The following BACH2 variants were observed in gnomAD, a reference collection of about 807,000 sequenced individuals.
The protein encoded by BACH2 is BACH transcriptional regulator 2, also known as transcription regulator protein BACH2.
A neutral mutation model predicts 61.8 loss-of-function variants in BACH2; 5 were observed. The ratio of observed to expected loss-of-function variants is 0.08; its 90% CI spans 0.04 to 0.17. The LOEUF is 0.17. Ranked by LOEUF, BACH2 falls within the 10% of genes least tolerant of loss-of-function variation. The probability of loss-of-function intolerance (pLI) is 1.00; values close to 1 mark genes in which losing one functional copy is unlikely to be tolerated. For missense variants in BACH2, 824 were observed against 1,091.1 expected (o/e 0.76, Z 3.45); for synonymous variants, 446 against 440.1 (o/e 1.01, Z -0.17).
chr6:90,234,443 T>C lies in BACH2; in HGVS notation c.-275+18070A>G, dbSNP rs192105115. Among the ~76,000 whole-genome samples, 26 of 152,326 alleles carry C rather than the reference T, an allele frequency of 1.7e-4. No homozygotes were observed. In the East Asian group the frequency reaches 5.0e-3, roughly 29 times the overall value. On this transcript the variant is annotated intron_variant, in intron 3 of 8. Coordinates refer to ENST00000257749, the MANE Select transcript of BACH2 (RefSeq NM_021813.4). ...AAGTGATCAAGAACCAGAATTTCCA[T>C]GAAGGTCAATGTTTTGTATAAACCT...
intron 3 of BACH2, among the ~76,000 whole-genome samples, chr6:90,248,931 G>A (rs1448079397): frequency 6.6e-6 from 1 of 152,202 alleles, no homozygotes; most frequent in Non-Finnish European, 1.5e-5. Context: ...AAAAACCTAT[G>A]TAGGTATAGA....
At chr6:90,231,133 G>A (rs1315444484) in intron 3 of BACH2, among the ~76,000 whole-genome samples, 1 of 152,114 alleles carries the variant, frequency 6.6e-6, no homozygotes, top group Non-Finnish European at 1.5e-5. Context: ...TTTGTTTGTG[G>A]CCAAACTGTT....
At chr6:89,952,174 C>T (rs1774169259) in intron 6 of BACH2, 1 of 346,846 alleles carries the variant, frequency 2.9e-6, no homozygotes, top group African/African-American at 2.1e-5. Context: ...TGCACGGTGA[C>T]AATGGGGAGC....
At chr6:90,180,243 TAA>T (rs1231384104) in intron 4 of BACH2, among the ~76,000 whole-genome samples, 2 of 152,056 alleles carry the variant, frequency 1.3e-5, no homozygotes, top group African/African-American at 2.4e-5. Flanking sequence ...ACAAAAAAAC[TAA>T]GAGTAAAATT....
intron 4 of BACH2, among the ~76,000 whole-genome samples, chr6:90,137,126 A>T (rs1407555010): frequency 6.6e-6 from 1 of 152,184 alleles, no homozygotes; most frequent in Admixed American, 6.5e-5. Flanking sequence ...CACAGACAGA[A>T]AGAGGGACAG....
chr6:90,103,392 C>T lies in BACH2; in HGVS notation c.-161-14283G>A, dbSNP rs532678377. On this transcript the variant is annotated intron_variant, in intron 4 of 8. Transcript: ENST00000257749. ...CATGGCGAAGTGTGTCCGTGTGATG[C>T]TCATCTCAGCATTATCTGGTTATCG... Among the ~76,000 whole-genome samples the T allele has an allele frequency of 6.1e-4, 93 of 152,140 alleles. 1 individual carries two copies. The South Asian group carries it at 0.017, about 29-fold the overall frequency.
chr6:90,225,473 T>C (rs1769882031), intron 3 of BACH2, among the ~76,000 whole-genome samples: 2 of 151,950 alleles, frequency 1.3e-5, no homozygotes, highest in South Asian at 2.1e-4. Context: ...ATAAGAAACT[T>C]GTTGTAAGGT....
chr6:90,073,094 C>T (rs576647410), intron 5 of BACH2, among the ~76,000 whole-genome samples: 4 of 152,326 alleles, frequency 2.6e-5, no homozygotes, highest in South Asian at 2.1e-4. Flanking sequence ...CATCCATCTT[C>T]GCAGTAAGTT....
At chr6:90,296,383 A>T (rs1438785022) in intron 1 of BACH2, 97 bp downstream of exon 1, 2 of 148,086 alleles carry the variant, frequency 1.4e-5, no homozygotes, top group East Asian at 4.1e-4. Context: ...CCGTTTCCCC[A>T]CGCCTCCCCG....
chr6:89,949,714 G>C (rs938642563), intron 7 of BACH2, among the ~76,000 whole-genome samples: 2 of 152,196 alleles, frequency 1.3e-5, no homozygotes, highest in African/African-American at 4.8e-5. Context: ...GATGACCCCA[G>C]GACCGGGATA....
intron 1 of BACH2, among the ~76,000 whole-genome samples, chr6:90,272,728 A>G (rs773807441): frequency 6.6e-6 from 1 of 152,050 alleles, no homozygotes; most frequent in African/African-American, 2.4e-5. Flanking sequence ...GATTTGTTAC[A>G]TCTCACCTCT....
At position 90,296,649 on chromosome 6, in the gene BACH2, A is replaced by G. The variant is rs1772408776; in HGVS notation, c.-615T>C. Reference sequence around the variant, plus strand: ...TCCCAGCCCCCCGAGTGCGCCGGGAAGGGGGAGGGGAAGGGGCGAGGGGAG... The same window carrying G: ...TCCCAGCCCCCCGAGTGCGCCGGGAGGGGGGAGGGGAAGGGGCGAGGGGAG... On this transcript the variant is annotated 5_prime_UTR_variant, in exon 1 of 9. Transcript: ENST00000257749. The G allele has an allele frequency of 6.7e-6, 1 of 150,318 alleles. No individual in the cohort carries two copies. The highest frequency in any genetic ancestry group is 2.0e-4 in the East Asian group (1 of 4,918). The allele number at this position is 150,318 out of a possible 1,614,324, so 9.3% of individuals were successfully genotyped here. A position where few individuals can be genotyped will look rare whatever the true frequency, so the allele number is the denominator to read the frequency against.
intron 6 of BACH2, among the ~76,000 whole-genome samples, chr6:89,987,314 G>A (rs920737666): frequency 1.3e-5 from 2 of 152,204 alleles, no homozygotes; most frequent in African/African-American, 2.4e-5. Context: ...TACACTGAAA[G>A]ATGTGTGATG....
intron 2 of BACH2, among the ~76,000 whole-genome samples, chr6:90,268,149 C>CAGGTGCACA (rs1215122777): frequency 6.6e-6 from 1 of 151,904 alleles, no homozygotes; most frequent in Non-Finnish European, 1.5e-5. Context: ...GCTGGGATTA[C>CAGGTGCACA]AGGTGCACAC....
intron 4 of BACH2, among the ~76,000 whole-genome samples, chr6:90,135,985 C>T (rs1183603749): frequency 6.6e-6 from 1 of 152,148 alleles, no homozygotes; most frequent in Admixed American, 6.5e-5. Context: ...CTTATCTTGG[C>T]TGCTTCTTGT....
intron 6 of BACH2, chr6:89,952,075 C>T (rs1774163522): frequency 3.3e-6 from 2 of 600,496 alleles, no homozygotes; most frequent in African/African-American, 3.7e-5. Context: ...CATCACAGCA[C>T]AGGCAGAATT....
intron 5 of BACH2, among the ~76,000 whole-genome samples, chr6:90,065,271 T>C (rs1183572867): frequency 2.0e-3 from 16 of 7,818 alleles, no homozygotes; most frequent in African/African-American, 8.0e-3. Flanking sequence ...CCGCCCCCAC[T>C]TTTTTTTTTT....
chr6:89,963,260 T>C (rs1774852294), intron 6 of BACH2, among the ~76,000 whole-genome samples: 1 of 152,136 alleles, frequency 6.6e-6, no homozygotes, highest in Non-Finnish European at 1.5e-5. Flanking sequence ...GTGGAGAAAT[T>C]GAAATCCTTG....
At chr6:90,157,966 T>C (rs1284306998) in intron 4 of BACH2, among the ~76,000 whole-genome samples, 1 of 151,966 alleles carries the variant, frequency 6.6e-6, no homozygotes, top group African/African-American at 2.4e-5. Context: ...CTGTATTAAG[T>C]GCGATGTTGG....
Sources: gnomAD v4.1 joint callset for allele counts (sites outside exome capture counted in the v4.1 genomes callset) on GRCh38, gnomAD v4.1.1 for gene constraint, MANE v1.5 for transcripts, NCBI Gene and HGNC (gene_info 2026-07-23, HGNC 2026-07-21) for gene names.